RALGPS2: variants seen among roughly 807,000 people sequenced by gnomAD.
The protein encoded by RALGPS2 is Ral GEF with PH domain and SH3 binding motif 2.
A neutral mutation model predicts 86.8 loss-of-function variants in RALGPS2; 43 were observed. The observed-to-expected ratio is 0.50, with a 90% CI of 0.39 to 0.64. The LOEUF is 0.64. Among genes scored for constraint, RALGPS2 ranks in the 30% least tolerant of loss-of-function variants. RALGPS2 has a pLI of 0.00. For synonymous variants in RALGPS2, 243 were observed against 231.3 expected (o/e 1.05, Z -0.46); for missense variants, 536 against 694.6 (o/e 0.77, Z 2.57).
At chr1:178,904,230 C>G (rs1660299981) in intron 18 of RALGPS2, among the ~76,000 whole-genome samples, 1 of 151,994 alleles carries the variant, frequency 6.6e-6, no homozygotes, top group South Asian at 2.1e-4. Context: ...GTTTTGAGTT[C>G]ATTGTAGATT....
At chr1:178,881,777 G>A (rs973046706) in intron 10 of RALGPS2, among the ~76,000 whole-genome samples, 2 of 152,110 alleles carry the variant, frequency 1.3e-5, no homozygotes, top group Non-Finnish European at 2.9e-5. Context: ...AAAATGCAGT[G>A]TGTTGCCTGA....
At chr1:178,910,732 G>T (rs2102418605) in intron 19 of RALGPS2, among the ~76,000 whole-genome samples, 1 of 152,162 alleles carries the variant, frequency 6.6e-6, no homozygotes, top group Middle Eastern at 3.4e-3. Context: ...TTTTTTCATT[G>T]TATCTCTGCT....
At chr1:178,817,293 T>C (rs2102215824) in intron 6 of RALGPS2, among the ~76,000 whole-genome samples, 1 of 138,242 alleles carries the variant, frequency 7.2e-6, no homozygotes, top group African/African-American at 2.7e-5. Context: ...TGTGGTGAGC[T>C]AAGATCACGC....
At chr1:178,792,683 C>T (rs1654011504) in intron 4 of RALGPS2, among the ~76,000 whole-genome samples, 1 of 152,124 alleles carries the variant, frequency 6.6e-6, no homozygotes, top group Non-Finnish European at 1.5e-5. Flanking sequence ...TCCATTGGCC[C>T]AAGCTGCGTG....
At chr1:178,824,450 A>G (rs1259535735) in intron 7 of RALGPS2, among the ~76,000 whole-genome samples, 1 of 152,228 alleles carries the variant, frequency 6.6e-6, no homozygotes, top group Non-Finnish European at 1.5e-5. Context: ...GAATTATACC[A>G]GTGATATGCT....
At chr1:178,851,411 T>C (rs1452681581) in intron 8 of RALGPS2, 4 of 1,122,160 alleles carry the variant, frequency 3.6e-6, no homozygotes, top group Non-Finnish European at 4.8e-6. Context: ...AATTTGAACT[T>C]CCCTTACTAA....
intron 1 of RALGPS2, among the ~76,000 whole-genome samples, chr1:178,742,500 A>C (rs1360895785): frequency 2.0e-5 from 3 of 152,204 alleles, no homozygotes; most frequent in Admixed American, 2.0e-4. Context: ...TGTCATATCC[A>C]CAATTTGTGT....
Position 178,920,309 on chromosome 1 carries a change from G to A in RALGPS2, c.*3950G>A, listed in dbSNP as rs1053092070. On this transcript the variant is annotated 3_prime_UTR_variant, in exon 20 of 20. Coordinates refer to ENST00000367635, the MANE Select transcript of RALGPS2 (RefSeq NM_152663.5). ...GAGATCCAGGCATAAAAACTCTTTT[G>A]CTTATTGAAAGCAATTTGATTACAC... is the stretch of plus-strand genomic sequence containing the variant. The A allele has an allele frequency of 2.0e-5, 3 of 151,874 alleles. No individual in the cohort carries two copies. The highest frequency in any genetic ancestry group is 7.2e-5 in the African/African-American group (3 of 41,386). The allele number at this position is 151,874 out of a possible 1,614,324, so 9.4% of individuals were successfully genotyped here. A position where few individuals can be genotyped will look rare whatever the true frequency, so the allele number is the denominator to read the frequency against.
intron 10 of RALGPS2, 101 bp downstream of exon 10, chr1:178,879,093 A>G: frequency 1.4e-6 from 2 of 1,475,742 alleles, no homozygotes; most frequent in South Asian, 1.4e-5. Context: ...GTATCATACA[A>G]AGGACTAATC....
chr1:178,856,196 GAGAGAGAT>G (rs1404686101), intron 8 of RALGPS2, among the ~76,000 whole-genome samples: 97 of 41,042 alleles, frequency 2.4e-3, no homozygotes, highest in African/African-American at 9.4e-3. Context: ...TTTCCAGAGA[GAGAGAGAT>G]ATATATATAT....
At chr1:178,761,646 C>T (rs1169316226) in intron 1 of RALGPS2, among the ~76,000 whole-genome samples, 3 of 151,294 alleles carry the variant, frequency 2.0e-5, no homozygotes, top group Admixed American at 6.6e-5. Flanking sequence ...CTGCAACCTC[C>T]GCCTTCCAGG....
chr1:178,747,792 C>T, intron 1 of RALGPS2: 1 of 737,742 alleles, frequency 1.4e-6, no homozygotes, highest in Non-Finnish European at 2.4e-6. Flanking sequence ...GAGCCTGTGC[C>T]AGCGGAGACG....
intron 7 of RALGPS2, among the ~76,000 whole-genome samples, chr1:178,830,896 C>A (rs977737022): frequency 2.7e-5 from 4 of 150,328 alleles, no homozygotes; most frequent in Non-Finnish European, 4.4e-5. Context: ...CTCTTAACAA[C>A]GAAAAAAGAA....
At chr1:178,907,852 C>T (rs1164501147) in intron 19 of RALGPS2, among the ~76,000 whole-genome samples, 1 of 152,066 alleles carries the variant, frequency 6.6e-6, no homozygotes, top group Non-Finnish European at 1.5e-5. Flanking sequence ...AACTAAGGCT[C>T]CATAATACAA....
At chr1:178,771,200 C>T (rs1652797062) in intron 1 of RALGPS2, among the ~76,000 whole-genome samples, 1 of 152,174 alleles carries the variant, frequency 6.6e-6, no homozygotes, top group African/African-American at 2.4e-5. Context: ...TGGTAATCTA[C>T]AGTCTATATT....
At chr1:178,867,549 A>G (rs1382767031) in intron 8 of RALGPS2, among the ~76,000 whole-genome samples, 2 of 152,120 alleles carry the variant, frequency 1.3e-5, no homozygotes, top group Non-Finnish European at 2.9e-5. Flanking sequence ...TTCTAGACCT[A>G]TGATTTTTAC....
intron 18 of RALGPS2, among the ~76,000 whole-genome samples, chr1:178,903,648 A>C (rs1259039882): frequency 2.0e-5 from 3 of 152,178 alleles, no homozygotes; most frequent in Admixed American, 6.5e-5. Flanking sequence ...AATAGTTTCT[A>C]ATCTTATCCA....
intron 7 of RALGPS2, among the ~76,000 whole-genome samples, chr1:178,822,847 A>G (rs1390697958): frequency 6.6e-6 from 1 of 152,036 alleles, no homozygotes; most frequent in Admixed American, 6.6e-5. Flanking sequence ...AAAAAATTCT[A>G]TTTTTATTTT....
In RALGPS2 at chr1:178,741,237, T is replaced by C. The variant is rs539065881; in HGVS notation, c.-84+15818T>C. On this transcript the variant is annotated intron_variant, in intron 1 of 19. Transcript: ENST00000367635. ...TAGATGCTTGGTGTTCTAAGCATTT[T>C]ACCTGTATTAACTCATTGGATGTTT... Among the ~76,000 whole-genome samples the C allele has an allele frequency of 1.2e-4, 19 of 152,342 alleles. 1 individual carries two copies. The highest frequency in any genetic ancestry group is 1.5e-5 in the Non-Finnish European group (1 of 68,030).
Sources: allele counts gnomAD v4.1 joint callset (sites outside exome capture counted in the v4.1 genomes callset), GRCh38; gene constraint gnomAD v4.1.1; transcripts MANE v1.5; gene names NCBI Gene and HGNC (gene_info 2026-07-23, HGNC 2026-07-21).